The following XPO4 variants were observed in gnomAD, a reference collection of about 807,000 sequenced individuals.
XPO4 encodes exportin 4.
Under a neutral mutation model 143.0 loss-of-function variants are expected in XPO4, and 39 were observed. That is an observed-to-expected ratio of 0.27 (90% CI 0.21 to 0.36). The LOEUF (loss-of-function observed/expected upper bound fraction) is 0.36. XPO4 is among the 10% of genes least tolerant of loss of function. The probability of loss-of-function intolerance (pLI) is 1.00; values close to 1 mark genes in which losing one functional copy is unlikely to be tolerated. For synonymous variants in XPO4, 439 were observed against 474.0 expected (o/e 0.93, Z 0.96); for missense variants, 907 against 1,348.0 (o/e 0.67, Z 5.12).
Position 20,808,776 on chromosome 13 carries a change from C to T in XPO4, c.1494-195G>A, listed in dbSNP as rs920886715. ...TTTTTTATAACATAGAATTAAAACA[C>T]TGCTTTACAAACAATCAAGGTTTAC... is the stretch of plus-strand genomic sequence containing the variant. On this transcript the variant is annotated intron_variant, in intron 11 of 22. Coordinates refer to ENST00000255305, the MANE Select transcript of XPO4 (RefSeq NM_022459.5). Among the ~76,000 whole-genome samples the T allele has an allele frequency of 3.2e-4, 49 of 152,178 alleles. 1 individual carries two copies. The highest frequency in any genetic ancestry group is 7.4e-5 in the Non-Finnish European group (5 of 68,018).
At chr13:20,882,444 C>G (rs2060421095) in intron 1 of XPO4, among the ~76,000 whole-genome samples, 1 of 152,178 alleles carries the variant, frequency 6.6e-6, no homozygotes, top group African/African-American at 2.4e-5. Context: ...TAAACCAGAT[C>G]TCCGGTGAAC....
At chr13:20,891,330 T>C (rs1168639708) in intron 1 of XPO4, among the ~76,000 whole-genome samples, 1 of 152,074 alleles carries the variant, frequency 6.6e-6, no homozygotes, top group Non-Finnish European at 1.5e-5. Flanking sequence ...CTAGTGTTAC[T>C]CTAGAAGAAA....
At chr13:20,859,722 A>C in intron 3 of XPO4, 3 of 328,152 alleles carry the variant, frequency 9.1e-6, no homozygotes, top group Non-Finnish European at 1.3e-5. Context: ...TGTTGCAGTG[A>C]GCAGAGATCA....
At chr13:20,874,134 T>C (rs1453228379) in intron 1 of XPO4, among the ~76,000 whole-genome samples, 2 of 152,188 alleles carry the variant, frequency 1.3e-5, no homozygotes, top group African/African-American at 2.4e-5. Flanking sequence ...CACAGTTGGG[T>C]AGACTAACAT....
intron 1 of XPO4, among the ~76,000 whole-genome samples, chr13:20,887,104 C>T (rs1393022203): frequency 6.6e-6 from 1 of 152,068 alleles, no homozygotes; most frequent in Non-Finnish European, 1.5e-5. Flanking sequence ...GGATAGCAAA[C>T]AAATTTATTG....
rs950888617 is a variant in XPO4, at chr13:20,779,168, T to C, written c.*4554A>G. ...TTTAATATTTATAAATTTAAAAAAT[T>C]TTACACGTGCTGAGTGGTAGCAGTG... On this transcript the variant is annotated 3_prime_UTR_variant, in exon 23 of 23. Coordinates refer to ENST00000255305, the MANE Select transcript of XPO4 (RefSeq NM_022459.5). 1 of 152,358 alleles carries C rather than the reference T, an allele frequency of 6.6e-6. No homozygotes were observed. Among genetic ancestry groups the C allele is most frequent in the Non-Finnish European group, 1.5e-5 (1 of 68,024 alleles). The allele number at this position is 152,358 out of a possible 1,614,324, so 9.4% of individuals were successfully genotyped here.
intron 14 of XPO4, among the ~76,000 whole-genome samples, chr13:20,800,548 T>C (rs1263289189): frequency 6.6e-6 from 1 of 152,208 alleles, no homozygotes; most frequent in Non-Finnish European, 1.5e-5. Context: ...ATTCCCATAG[T>C]ATTAAAAAAT....
intron 17 of XPO4, 144 bp downstream of exon 17, chr13:20,796,620 T>A (rs1042252566): frequency 1.3e-6 from 1 of 759,516 alleles, no homozygotes; most frequent in Non-Finnish European, 1.8e-6. Flanking sequence ...ATAAGTTCTT[T>A]TCAAAAATCT....
intron 4 of XPO4, chr13:20,851,634 G>T: frequency 1.8e-6 from 1 of 549,362 alleles, no homozygotes; most frequent in Non-Finnish European, 2.3e-6. Context: ...ACCTGAGCAT[G>T]GGGAGGTCAA....
At position 20,885,974 on chromosome 13, in the gene XPO4, C is replaced by T. The variant is rs527594533; in HGVS notation, c.69+16696G>A. Among the ~76,000 whole-genome samples the T allele has an allele frequency of 2.4e-4, 37 of 152,244 alleles. 1 individual carries two copies. The highest frequency in any genetic ancestry group is 7.9e-4 in the African/African-American group (33 of 41,566). ...ACAATGGCATGCAATACAATTTATA[C>T]GTACAAAACAAAACAGAACTACCAA... On this transcript the variant is annotated intron_variant, in intron 1 of 22. Coordinates refer to ENST00000255305, the MANE Select transcript of XPO4 (RefSeq NM_022459.5).
chr13:20,792,918 G>A (rs1174334606), intron 18 of XPO4, among the ~76,000 whole-genome samples: 1 of 151,864 alleles, frequency 6.6e-6, no homozygotes, highest in Non-Finnish European at 1.5e-5. Context: ...TTCCTGAGTA[G>A]CTGGGATTAC....
In XPO4 at chr13:20,800,214, G is replaced by C; in HGVS notation, c.2089C>G (p.Gln697Glu). ...ISNLSVWSSE[Q>E]DLANDTVQLL... ...TGCACAGTGTCATTTGCAAGGTCCT[G>C]CTCACTACTCCAGACTGAGAGGTTA... The change falls in exon 15 of 23, where the codon CAG becomes GAG. Residue 697 changes from glutamine (Q) to glutamate (E), a missense_variant. By Grantham distance (29) the Gln-to-Glu change is conservative (BLOSUM62 2). Coordinates refer to ENST00000255305, the MANE Select transcript of XPO4 (RefSeq NM_022459.5). 3.7e-6 allele frequency: 6 copies of C among 1,614,092 alleles called. No individual in the cohort carries two copies. The highest frequency in any genetic ancestry group is 4.2e-6 in the Non-Finnish European group (5 of 1,180,000).
intron 1 of XPO4, among the ~76,000 whole-genome samples, chr13:20,872,537 G>A (rs1260840559): frequency 3.3e-5 from 5 of 152,144 alleles, no homozygotes; most frequent in Non-Finnish European, 2.9e-5. Flanking sequence ...AGGATACGAG[G>A]CATTATTTTA....
intron 5 of XPO4, among the ~76,000 whole-genome samples, 165 bp from the exon 6 acceptor site, chr13:20,843,213 G>T (rs2059994047): frequency 6.6e-6 from 1 of 152,200 alleles, no homozygotes; most frequent in Non-Finnish European, 1.5e-5. Context: ...TTACATCGCA[G>T]TATGCTTTCA....
At chr13:20,792,257 C>A (rs911753262) in intron 18 of XPO4, among the ~76,000 whole-genome samples, 2 of 152,116 alleles carry the variant, frequency 1.3e-5, no homozygotes, top group African/African-American at 2.4e-5. Flanking sequence ...ACCAGCCCGG[C>A]CAACATGGCA....
At chr13:20,851,223 G>A (rs893291207) in intron 4 of XPO4, 8 of 985,254 alleles carry the variant, frequency 8.1e-6, no homozygotes, top group Non-Finnish European at 9.6e-6. Context: ...TATTGAGCTA[G>A]TTTCAAGCTA....
At chr13:20,825,538 G>A (rs1411400253) in intron 7 of XPO4, among the ~76,000 whole-genome samples, 7 of 152,178 alleles carry the variant, frequency 4.6e-5, no homozygotes, top group Admixed American at 2.0e-4. Context: ...AGTTATTTGC[G>A]TGTGGTTGTT....
chr13:20,889,973 C>T (rs905610720), intron 1 of XPO4, among the ~76,000 whole-genome samples: 3 of 152,142 alleles, frequency 2.0e-5, no homozygotes, highest in Admixed American at 2.0e-4. Context: ...ATATTGTGTG[C>T]CACCAATGTT....
rs528650168 is a variant in XPO4, at chr13:20,789,544, A to G, written c.2916+918T>C. Among the ~76,000 whole-genome samples the G allele has an allele frequency of 6.7e-4, 101 of 150,896 alleles. 1 individual carries two copies. The highest frequency in any genetic ancestry group is 3.5e-3 in the Middle Eastern group (1 of 288). On this transcript the variant is annotated intron_variant, in intron 19 of 22. Coordinates refer to ENST00000255305, the MANE Select transcript of XPO4 (RefSeq NM_022459.5). Reference sequence around the variant, plus strand: ...TGAGTAGCTGGGACTACAGGCGCCCACCACCACACCCGGCTTTTTTTTTGT... The same window carrying G: ...TGAGTAGCTGGGACTACAGGCGCCCGCCACCACACCCGGCTTTTTTTTTGT...
Sources: allele counts gnomAD v4.1 joint callset (sites outside exome capture counted in the v4.1 genomes callset), GRCh38; gene constraint gnomAD v4.1.1; transcripts MANE v1.5; gene names NCBI Gene and HGNC (gene_info 2026-07-23, HGNC 2026-07-21).